The following ACAP2 variants were observed in gnomAD, a reference collection of about 807,000 sequenced individuals.
ACAP2 encodes ArfGAP with coiled-coil, ankyrin repeat and PH domains 2, also known as arf-GAP with coiled-coil, ANK repeat and PH domain-containing protein 2.
In ACAP2, 39 loss-of-function variants were observed where a neutral mutation model predicts 115.8. The ratio of observed to expected loss-of-function variants is 0.34; its 90% CI spans 0.26 to 0.44. The LOEUF (loss-of-function observed/expected upper bound fraction) is 0.44. Ranked by LOEUF, ACAP2 falls within the 20% of genes least tolerant of loss-of-function variation. The probability of loss-of-function intolerance (pLI) is 1.00; values close to 1 mark genes in which losing one functional copy is unlikely to be tolerated. For synonymous variants in ACAP2, 289 were observed against 315.8 expected (o/e 0.92, Z 0.90); for missense variants, 662 against 927.6 (o/e 0.71, Z 3.72).
Position 195,442,779 on chromosome 3 carries a change from C to A in ACAP2, c.53+16G>T. ...AAGGCAGCTCCGCGGTGACGCCGGG[C>A]GGCCGTGCCGGTTACCTGAAGCGGG... is the stretch of plus-strand genomic sequence containing the variant. On this transcript the variant is annotated intron_variant, in intron 1 of 22. Transcript: ENST00000326793. 4 of 1,527,616 alleles carry A rather than the reference C, an allele frequency of 2.6e-6. No homozygotes were observed. In the South Asian group the frequency reaches 3.7e-5, roughly 14 times the overall value. 94.6% of individuals were successfully genotyped at this position (1,527,616 alleles called of 1,614,324 possible).
At chr3:195,396,130 A>C (rs1260415786) in intron 1 of ACAP2, among the ~76,000 whole-genome samples, 1 of 152,112 alleles carries the variant, frequency 6.6e-6, no homozygotes, top group Non-Finnish European at 1.5e-5. Context: ...AGGCACCTGT[A>C]ATCCCAGCTA....
chr3:195,413,164 C>A (rs1419486841), intron 1 of ACAP2, among the ~76,000 whole-genome samples: 1 of 152,090 alleles, frequency 6.6e-6, no homozygotes, highest in Admixed American at 6.6e-5. Context: ...GGTTGAAAGT[C>A]TTTGCTTATT....
chr3:195,421,738 T>C (rs2108835017), intron 1 of ACAP2, among the ~76,000 whole-genome samples: 1 of 152,346 alleles, frequency 6.6e-6, no homozygotes, highest in South Asian at 2.1e-4. Context: ...TTAGTTTTCT[T>C]CCATACCTAA....
intron 9 of ACAP2, among the ~76,000 whole-genome samples, chr3:195,324,870 C>T (rs9853626): frequency 4.0e-4 from 61 of 152,160 alleles, no homozygotes; most frequent in African/African-American, 1.4e-3. Context: ...AACCGTAAGA[C>T]TGATAAAAAT....
intron 17 of ACAP2, 67 bp downstream of exon 17, chr3:195,295,641 C>T: frequency 6.4e-7 from 1 of 1,553,558 alleles, no homozygotes; most frequent in Non-Finnish European, 8.8e-7. Context: ...GCTATTAGTT[C>T]AGGGATTATA....
chr3:195,378,257 C>G (rs777620130), intron 4 of ACAP2, among the ~76,000 whole-genome samples: 14 of 152,148 alleles, frequency 9.2e-5, no homozygotes, highest in South Asian at 2.1e-4. Context: ...CTTTGGGAGG[C>G]CAAGGCAGGC....
At chr3:195,440,738 T>C (rs755410211) in intron 1 of ACAP2, among the ~76,000 whole-genome samples, 6 of 152,204 alleles carry the variant, frequency 3.9e-5, no homozygotes, top group Non-Finnish European at 7.3e-5. Context: ...CTCATAGTAA[T>C]AGGATTATGG....
intron 4 of ACAP2, 68 bp downstream of exon 4, chr3:195,380,941 C>T (rs1733902411): frequency 7.3e-7 from 1 of 1,368,060 alleles, no homozygotes; most frequent in Non-Finnish European, 1.0e-6. Context: ...TTTCATAAAA[C>T]ATTGCGACTC....
intron 2 of ACAP2, among the ~76,000 whole-genome samples, chr3:195,386,918 G>A (rs1297082188): frequency 6.6e-6 from 1 of 152,160 alleles, no homozygotes; most frequent in African/African-American, 2.4e-5. Context: ...ACTCAACTCA[G>A]AAAGTAGGAT....
chr3:195,409,449 G>T (rs1713070594), intron 1 of ACAP2, among the ~76,000 whole-genome samples: 1 of 151,620 alleles, frequency 6.6e-6, no homozygotes, highest in Non-Finnish European at 1.5e-5. Flanking sequence ...AAGTACAAAA[G>T]AAATAAACAA....
chr3:195,352,447 G>A (rs1185324350), intron 4 of ACAP2, among the ~76,000 whole-genome samples: 1 of 152,056 alleles, frequency 6.6e-6, no homozygotes, highest in Non-Finnish European at 1.5e-5. Flanking sequence ...TCTTAGCAAT[G>A]GCTTACAGTC....
intron 1 of ACAP2, among the ~76,000 whole-genome samples, chr3:195,425,803 T>TA (rs1714642178): frequency 6.6e-6 from 1 of 152,106 alleles, no homozygotes; most frequent in African/African-American, 2.4e-5. Flanking sequence ...TAATTCCCTA[T>TA]AAAAAAATTC....
chr3:195,437,710 G>A (rs1358513556), intron 1 of ACAP2, among the ~76,000 whole-genome samples: 1 of 150,602 alleles, frequency 6.6e-6, no homozygotes, highest in Non-Finnish European at 1.5e-5. Flanking sequence ...AGCTACTCGG[G>A]AGGCTGAGGC....
chr3:195,351,129 T>TTTTG (rs75945777), intron 4 of ACAP2, among the ~76,000 whole-genome samples: 5 of 131,864 alleles, frequency 3.8e-5, no homozygotes, highest in African/African-American at 9.3e-5. Flanking sequence ...TTTTTTTTTT[T>TTTTG]GGGCGGGGGA....
chr3:195,289,228 C>T lies in ACAP2; in HGVS notation c.2067G>A (p.Gln689=). The change falls in exon 21 of 23, where the codon CAG becomes CAA. Residue 689 remains glutamine (Q), a synonymous_variant. Transcript: ENST00000326793. ...CACCTCGTTTTAGGAATAAACATAC[C>T]TGCCTGTTTAAGAACACAGCATTTT... is the stretch of plus-strand genomic sequence containing the variant. ...HHATVLGHTG[Q]VCLFLKRGAN... 1 of 1,606,732 alleles carries T rather than the reference C, an allele frequency of 6.2e-7. No homozygotes were observed. Among genetic ancestry groups the T allele is most frequent in the Non-Finnish European group, 8.5e-7 (1 of 1,176,178 alleles).
chr3:195,348,403 C>T (rs1243332637), intron 4 of ACAP2, among the ~76,000 whole-genome samples: 2 of 151,878 alleles, frequency 1.3e-5, no homozygotes, highest in East Asian at 3.8e-4. Context: ...ATCTTCATTG[C>T]TGAATTCTAC....
chr3:195,365,158 G>A (rs1732633295), intron 4 of ACAP2, among the ~76,000 whole-genome samples: 1 of 152,100 alleles, frequency 6.6e-6, no homozygotes, highest in Non-Finnish European at 1.5e-5. Context: ...ACGTGGAGGT[G>A]GTTAATGGGT....
At chr3:195,355,575 T>A (rs1442590620) in intron 4 of ACAP2, among the ~76,000 whole-genome samples, 1 of 152,234 alleles carries the variant, frequency 6.6e-6, no homozygotes, top group Non-Finnish European at 1.5e-5. Context: ...AATCTGCTCA[T>A]TATAAAATGA....
intron 15 of ACAP2, among the ~76,000 whole-genome samples, chr3:195,301,062 T>A (rs1160385752): frequency 1.3e-5 from 2 of 152,012 alleles, no homozygotes; most frequent in African/African-American, 2.4e-5. Context: ...GAGTGCTATA[T>A]ATAAATATAG....
Sources: gnomAD v4.1 joint callset for allele counts (sites outside exome capture counted in the v4.1 genomes callset) on GRCh38, gnomAD v4.1.1 for gene constraint, MANE v1.5 for transcripts, NCBI Gene and HGNC (gene_info 2026-07-23, HGNC 2026-07-21) for gene names.